DPP10: variants seen among roughly 807,000 people sequenced by gnomAD.
The protein encoded by DPP10 is dipeptidyl peptidase like 10.
A neutral mutation model predicts 120.9 loss-of-function variants in DPP10; 33 were observed. The ratio of observed to expected loss-of-function variants is 0.27; its 90% CI spans 0.21 to 0.37. The LOEUF (loss-of-function observed/expected upper bound fraction) is 0.37, where lower values mean the gene tolerates loss of function less well. Ranked by LOEUF, DPP10 falls within the 10% of genes least tolerant of loss-of-function variation. DPP10 has a pLI of 1.00. For synonymous variants in DPP10, 337 were observed against 326.1 expected, an observed-to-expected ratio of 1.03 and a Z score of -0.36; for missense variants, 816 against 942.8, an observed-to-expected ratio of 0.87 and a Z score of 1.76.
chr2:115,406,832 A>G (rs2068545448), intron 3 of DPP10, among the ~76,000 whole-genome samples: 1 of 152,214 alleles, frequency 6.6e-6, no homozygotes, highest in African/African-American at 2.4e-5. Context: ...CATTTCAACA[A>G]ATATAATTGT....
intron 3 of DPP10, among the ~76,000 whole-genome samples, chr2:115,456,575 GAT>G (rs766709983): frequency 1.8e-4 from 27 of 152,128 alleles, no homozygotes; most frequent in Non-Finnish European, 1.3e-4. Context: ...GCCCATCAAT[GAT>G]AGACTGGATA....
At chr2:115,317,426 C>G (rs1355613650) in intron 2 of DPP10, among the ~76,000 whole-genome samples, 1 of 152,086 alleles carries the variant, frequency 6.6e-6, no homozygotes, top group East Asian at 1.9e-4. Context: ...GATTGTGCTA[C>G]TGTGAACCTG....
At chr2:115,344,138 A>AC (rs1311307768) in intron 3 of DPP10, among the ~76,000 whole-genome samples, 3 of 149,666 alleles carry the variant, frequency 2.0e-5, no homozygotes, top group Admixed American at 1.3e-4. Context: ...TCCATCTCAA[A>AC]AAAAAAAAAA....
In DPP10 at chr2:115,400,895, A is replaced by G. The variant is rs185489061; in HGVS notation, c.271+56983A>G. On this transcript the variant is annotated intron_variant, in intron 3 of 25. Coordinates refer to ENST00000410059, the MANE Select transcript of DPP10 (RefSeq NM_020868.6). ...AAAACCAACAGTTTCGAGGCTATGC[A>G]TGGGGAACTTCCTCAGTTTGGAGTA... Among the ~76,000 whole-genome samples, 11 of 152,306 alleles carry G rather than the reference A, an allele frequency of 7.2e-5. No individual in the cohort carries two copies. The East Asian group carries it at 1.2e-3, about 16-fold the overall frequency.
intron 1 of DPP10, among the ~76,000 whole-genome samples, chr2:114,696,935 T>C (rs1700102968): frequency 6.6e-6 from 1 of 152,080 alleles, no homozygotes; most frequent in East Asian, 1.9e-4. Flanking sequence ...AAAAAATACA[T>C]AATTAATATC....
In DPP10 at chr2:114,608,157, G is replaced by A. The variant is rs545887532; in HGVS notation, c.60+165319G>A. ...CTTGGCTTATAGGGGATCTGAGTGAGATGTTGGCCCTTATTCTTAGTGAGT... is the reference window on the plus strand; with the variant it reads ...CTTGGCTTATAGGGGATCTGAGTGAAATGTTGGCCCTTATTCTTAGTGAGT... On this transcript the variant is annotated intron_variant, in intron 1 of 25. Coordinates refer to ENST00000410059, the MANE Select transcript of DPP10 (RefSeq NM_020868.6). 7.2e-5 allele frequency among the ~76,000 whole-genome samples: 11 copies of A among 152,318 alleles called. No homozygotes were observed. In the South Asian group the frequency reaches 2.3e-3, roughly 32 times the overall value.
At chr2:114,598,360 G>C (rs1179693688) in intron 1 of DPP10, among the ~76,000 whole-genome samples, 1 of 151,844 alleles carries the variant, frequency 6.6e-6, no homozygotes, top group Non-Finnish European at 1.5e-5. Flanking sequence ...AATTTTTTAG[G>C]TTGGGAAAGA....
chr2:114,777,882 C>A (rs1681904240), intron 1 of DPP10, among the ~76,000 whole-genome samples: 1 of 152,058 alleles, frequency 6.6e-6, no homozygotes, highest in Non-Finnish European at 1.5e-5. Context: ...AAGTTAGACT[C>A]ATATCCGCAA....
chr2:114,786,143 G>A (rs1270238642), intron 1 of DPP10, among the ~76,000 whole-genome samples: 1 of 152,172 alleles, frequency 6.6e-6, no homozygotes, highest in African/African-American at 2.4e-5. Flanking sequence ...TTCTCATAGA[G>A]CAGAGTCTCT....
At chr2:115,115,037 T>C (rs1012848212) in intron 1 of DPP10, among the ~76,000 whole-genome samples, 3 of 151,960 alleles carry the variant, frequency 2.0e-5, no homozygotes, top group East Asian at 3.9e-4. Context: ...TGCTGGTTCA[T>C]TGCCTAAGAC....
chr2:114,501,432 T>A (rs1683170201), intron 1 of DPP10, among the ~76,000 whole-genome samples: 1 of 152,136 alleles, frequency 6.6e-6, no homozygotes, highest in South Asian at 2.1e-4. Context: ...AATTAAAAAA[T>A]TTTGTTGTCC....
intron 5 of DPP10, among the ~76,000 whole-genome samples, chr2:115,535,111 C>A (rs371739231): frequency 6.6e-6 from 1 of 151,706 alleles, no homozygotes; most frequent in Non-Finnish European, 1.5e-5. Context: ...AAGCTCTTTA[C>A]TTTAATTAGA....
intron 1 of DPP10, among the ~76,000 whole-genome samples, chr2:115,120,827 C>T (rs1160928253): frequency 2.0e-5 from 3 of 152,290 alleles, no homozygotes; most frequent in Middle Eastern, 3.4e-3. Flanking sequence ...CATGCAAGAT[C>T]ACTTCTCATA....
intron 7 of DPP10, among the ~76,000 whole-genome samples, chr2:115,714,633 T>G (rs2092429415): frequency 1.3e-5 from 2 of 152,338 alleles, no homozygotes; most frequent in Middle Eastern, 6.8e-3. Context: ...TTGCCTTTCT[T>G]TCCTTTGGGT....
intron 1 of DPP10, among the ~76,000 whole-genome samples, chr2:114,663,666 TATAGAGAG>T (rs1335782626): frequency 2.2e-5 from 2 of 92,628 alleles, no homozygotes; most frequent in Non-Finnish European, 3.7e-5. Flanking sequence ...TATATATATA[TATAGAGAG>T]AGAGAGAGAG....
At chr2:115,043,387 G>A (rs753698248) in intron 1 of DPP10, among the ~76,000 whole-genome samples, 1 of 152,144 alleles carries the variant, frequency 6.6e-6, no homozygotes, top group Non-Finnish European at 1.5e-5. Context: ...GAGACCTCAT[G>A]GTTTTGCTAA....
chr2:115,066,232 G>T (rs983579924), intron 1 of DPP10, among the ~76,000 whole-genome samples: 18 of 151,920 alleles, frequency 1.2e-4, no homozygotes, highest in Admixed American at 1.3e-4. Context: ...TTATAGATAC[G>T]TATATTATTC....
At chr2:115,604,862 C>T (rs1412998648) in intron 5 of DPP10, among the ~76,000 whole-genome samples, 1 of 152,154 alleles carries the variant, frequency 6.6e-6, no homozygotes, top group Non-Finnish European at 1.5e-5. Flanking sequence ...TGCACATCTC[C>T]AATTTCTTCT....
intron 11 of DPP10, 52 bp from the exon 12 acceptor site, chr2:115,762,520 T>C: frequency 1.2e-6 from 2 of 1,602,928 alleles, no homozygotes; most frequent in Middle Eastern, 1.7e-4. Flanking sequence ...TAAATTTATA[T>C]ATGCTCATTT....
Sources: allele counts gnomAD v4.1 joint callset (sites outside exome capture counted in the v4.1 genomes callset), GRCh38; gene constraint gnomAD v4.1.1; transcripts MANE v1.5; gene names NCBI Gene and HGNC (gene_info 2026-07-23, HGNC 2026-07-21).